SPTLC2: variants seen among roughly 807,000 people sequenced by gnomAD.
SPTLC2 encodes serine palmitoyltransferase 2.
A neutral mutation model predicts 62.0 loss-of-function variants in SPTLC2; 21 were observed. That is an observed-to-expected ratio of 0.34 (90% confidence interval 0.24 to 0.49). SPTLC2 has a LOEUF of 0.49. Ranked by LOEUF, SPTLC2 falls within the 20% of genes least tolerant of loss-of-function variation. The pLI is 0.99. For missense variants in SPTLC2, 511 were observed against 713.0 expected, an observed-to-expected ratio of 0.72 and a Z score of 3.23; for synonymous variants, 261 against 261.8, an observed-to-expected ratio of 1.00 and a Z score of 0.03.
Position 77,505,997 on chromosome 14 carries a change from T to A in SPTLC2, c.*6287A>T, listed in dbSNP as rs929063358. The A allele has an allele frequency of 6.6e-6, 1 of 152,210 alleles. No individual in the cohort carries two copies. Among genetic ancestry groups the A allele is most frequent in the African/African-American group, 2.4e-5 (1 of 41,444 alleles). 9.4% of individuals were successfully genotyped at this position (152,210 alleles called of 1,614,324 possible). A position where few individuals can be genotyped will look rare whatever the true frequency, so the allele number is the denominator to read the frequency against. Reference sequence around the variant, plus strand: ...TTGGTTGAATGAATAAAGGCAGATATATCTTTCTGAATATTTTATTAGGGC... The same window carrying A: ...TTGGTTGAATGAATAAAGGCAGATAAATCTTTCTGAATATTTTATTAGGGC... On this transcript the variant is annotated 3_prime_UTR_variant, in exon 12 of 12. Coordinates refer to ENST00000216484, the MANE Select transcript of SPTLC2 (RefSeq NM_004863.4).
chr14:77,598,572 T>C (rs1250273962), intron 1 of SPTLC2, among the ~76,000 whole-genome samples: 1 of 152,320 alleles, frequency 6.6e-6, no homozygotes, highest in East Asian at 1.9e-4. Flanking sequence ...AAACACGTAG[T>C]TCAAATTAAC....
At chr14:77,520,240 C>T (rs949366135) in intron 10 of SPTLC2, among the ~76,000 whole-genome samples, 1 of 152,200 alleles carries the variant, frequency 6.6e-6, no homozygotes, top group Non-Finnish European at 1.5e-5. Context: ...AATCCTTCCC[C>T]ATCCCCTCTG....
chr14:77,530,319 A>ATT (rs2079431676), intron 9 of SPTLC2, among the ~76,000 whole-genome samples: 4 of 145,854 alleles, frequency 2.7e-5, no homozygotes, highest in African/African-American at 7.8e-5. Flanking sequence ...TCTTTTTTAA[A>ATT]AAAAAAAAAT....
intron 10 of SPTLC2, among the ~76,000 whole-genome samples, chr14:77,519,482 C>T (rs2079375631): frequency 6.6e-6 from 1 of 151,794 alleles, no homozygotes; most frequent in Admixed American, 6.6e-5. Flanking sequence ...TTTGGGAGGC[C>T]GAGGCGGGCA....
intron 8 of SPTLC2, among the ~76,000 whole-genome samples, chr14:77,553,088 C>T (rs2079564076): frequency 6.6e-6 from 1 of 152,092 alleles, no homozygotes; most frequent in Non-Finnish European, 1.5e-5. Context: ...CCAATGACAT[C>T]TCACTGAATA....
intron 1 of SPTLC2, among the ~76,000 whole-genome samples, chr14:77,610,326 G>C (rs1370533169): frequency 1.3e-5 from 2 of 152,184 alleles, no homozygotes; most frequent in African/African-American, 4.8e-5. Context: ...ATTTTTAGTA[G>C]AGACGGGGTT....
At chr14:77,558,379 T>C (rs1405923793) in intron 6 of SPTLC2, among the ~76,000 whole-genome samples, 2 of 152,176 alleles carry the variant, frequency 1.3e-5, no homozygotes, top group Non-Finnish European at 2.9e-5. Flanking sequence ...TCTGTATTGC[T>C]TGTAACTGGA....
chr14:77,553,021 A>C (rs933353183), intron 8 of SPTLC2, among the ~76,000 whole-genome samples: 2 of 152,138 alleles, frequency 1.3e-5, no homozygotes, highest in Admixed American at 6.5e-5. Context: ...GATATGCAGA[A>C]ATGTATAAAA....
Position 77,576,915 on chromosome 14 carries a change from C to A in SPTLC2, c.483G>T (p.Lys161Asn). The A allele has an allele frequency of 6.2e-7, 1 of 1,613,970 alleles. No homozygotes were observed. Among genetic ancestry groups the A allele is most frequent in the Non-Finnish European group, 8.5e-7 (1 of 1,180,000 alleles). ...CACCCTTTATTATATTCCCTGTATA[C>A]CTGTGCATCAATAGCATAAAACAAT... ...RQSHDYNWSFKYTGNIIKGVI... is the reference protein window; with the variant it reads ...RQSHDYNWSFNYTGNIIKGVI... Residue 161 changes from lysine to asparagine, a missense_variant and splice_region_variant, in exon 4 of 12, where the codon AAG becomes AAT. Coordinates refer to ENST00000216484, the MANE Select transcript of SPTLC2 (RefSeq NM_004863.4).
chr14:77,560,153 G>A (rs764699524), intron 6 of SPTLC2, among the ~76,000 whole-genome samples: 3 of 152,094 alleles, frequency 2.0e-5, no homozygotes, highest in Admixed American at 6.6e-5. Flanking sequence ...GCCTATGTTG[G>A]CCAGTGAGTA....
chr14:77,522,895 TAGAATC>T (rs1337918193), intron 9 of SPTLC2, among the ~76,000 whole-genome samples: 1 of 152,226 alleles, frequency 6.6e-6, no homozygotes, highest in Non-Finnish European at 1.5e-5. Flanking sequence ...ACAATGTCCT[TAGAATC>T]AGAATACTAA....
chr14:77,538,221 T>A (rs17751644), intron 9 of SPTLC2, among the ~76,000 whole-genome samples: 10,554 of 152,276 alleles, frequency 0.069, 512 homozygotes, highest in Admixed American at 0.15. Context: ...ACCTCTACCA[T>A]CACATCACCC....
intron 2 of SPTLC2, among the ~76,000 whole-genome samples, chr14:77,580,347 T>C (rs578005779): frequency 2.6e-5 from 4 of 151,568 alleles, no homozygotes; most frequent in Non-Finnish European, 5.9e-5. Flanking sequence ...CTGGGCATGG[T>C]GGCGGGTGCC....
At chr14:77,540,188 G>C (rs1322146291) in intron 9 of SPTLC2, among the ~76,000 whole-genome samples, 5 of 93,654 alleles carry the variant, frequency 5.3e-5, no homozygotes, top group Admixed American at 3.6e-4. Context: ...TGGGCAACAA[G>C]AGCGAAACTC....
At chr14:77,587,733 G>A (rs963181632) in intron 2 of SPTLC2, among the ~76,000 whole-genome samples, 2 of 147,738 alleles carry the variant, frequency 1.4e-5, no homozygotes, top group Admixed American at 1.4e-4. Flanking sequence ...CTCCAGCCTG[G>A]GCGACAAGAG....
intron 9 of SPTLC2, among the ~76,000 whole-genome samples, chr14:77,523,498 G>T (rs1417000865): frequency 6.6e-6 from 1 of 152,154 alleles, no homozygotes; most frequent in African/African-American, 2.4e-5. Context: ...CGATGAGAGA[G>T]CTTTAGAGAT....
At position 77,552,080 on chromosome 14, in the gene SPTLC2, GAA is replaced by G. The variant is rs1342034640; in HGVS notation, c.1303+14_1303+15del. 6 of 1,613,624 alleles carry G rather than the reference GAA, an allele frequency of 3.7e-6. No individual in the cohort carries two copies. In the South Asian group the frequency reaches 4.4e-5, roughly 12 times the overall value. On this transcript the variant is annotated intron_variant, in intron 9 of 11. Coordinates refer to ENST00000216484, the MANE Select transcript of SPTLC2 (RefSeq NM_004863.4). The stretch of plus-strand genomic sequence containing the variant: ...TAGGTGGACTTATGCAATGTTTCAA[GAA>G]AAGAAAGACTTACCAAGGCTGGTGC...
intron 9 of SPTLC2, among the ~76,000 whole-genome samples, chr14:77,535,130 T>C (rs548400313): frequency 1.9e-4 from 29 of 152,246 alleles, no homozygotes; most frequent in Non-Finnish European, 3.2e-4. Context: ...TTTCTCCATG[T>C]TGGTCAGGCT....
intron 9 of SPTLC2, among the ~76,000 whole-genome samples, chr14:77,524,661 A>G (rs1454612514): frequency 1.3e-5 from 2 of 152,224 alleles, no homozygotes; most frequent in African/African-American, 2.4e-5. Context: ...ACACAACGGA[A>G]TACTATCCAG....
Sources: allele counts gnomAD v4.1 joint callset (sites outside exome capture counted in the v4.1 genomes callset), GRCh38; gene constraint gnomAD v4.1.1; transcripts MANE v1.5; gene names NCBI Gene and HGNC (gene_info 2026-07-23, HGNC 2026-07-21).